SSBP3: variants seen among roughly 807,000 people sequenced by gnomAD.
SSBP3 encodes the protein single-stranded DNA-binding protein 3.
In SSBP3, 5 loss-of-function variants were observed where a neutral mutation model predicts 69.6. The ratio of observed to expected loss-of-function variants is 0.07; its 90% CI spans 0.04 to 0.15. The LOEUF is 0.15. SSBP3 is among the 10% of genes least tolerant of loss of function. SSBP3 has a pLI of 1.00. For synonymous variants in SSBP3, 196 were observed against 193.4 expected, an observed-to-expected ratio of 1.01 and a Z score of -0.11; for missense variants, 312 against 534.0, an observed-to-expected ratio of 0.58 and a Z score of 4.10.
chr1:54,367,269 CCTT>C (rs965284468), intron 4 of SSBP3, among the ~76,000 whole-genome samples: 15 of 152,180 alleles, frequency 9.9e-5, no homozygotes, highest in African/African-American at 3.6e-4. Flanking sequence ...CTGATACTCA[CCTT>C]CTGAGAATAC....
At chr1:54,400,638 G>A (rs552164762) in intron 4 of SSBP3, among the ~76,000 whole-genome samples, 1 of 152,254 alleles carries the variant, frequency 6.6e-6, no homozygotes, top group African/African-American at 2.4e-5. Flanking sequence ...TTTCCTCAGC[G>A]TTACATTCCA....
chr1:54,251,976 C>A, intron 7 of SSBP3, 116 bp from the exon 8 acceptor site: 1 of 830,402 alleles, frequency 1.2e-6, no homozygotes, highest in South Asian at 1.5e-5. Context: ...CACTCATGGC[C>A]TCCCTGAGAC....
At chr1:54,310,335 TA>T (rs1645978265) in intron 4 of SSBP3, among the ~76,000 whole-genome samples, 1 of 152,036 alleles carries the variant, frequency 6.6e-6, no homozygotes, top group African/African-American at 2.4e-5. Context: ...AGAGCTCTTT[TA>T]AAAAACACCT....
intron 4 of SSBP3, among the ~76,000 whole-genome samples, chr1:54,374,208 G>A (rs975058053): frequency 5.9e-5 from 9 of 152,194 alleles, no homozygotes; most frequent in African/African-American, 1.4e-4. Flanking sequence ...GCAGGTGCGC[G>A]GGAATGTGTG....
At chr1:54,398,395 C>T (rs1649049694) in intron 4 of SSBP3, among the ~76,000 whole-genome samples, 1 of 152,196 alleles carries the variant, frequency 6.6e-6, no homozygotes, top group South Asian at 2.1e-4. Context: ...TTCTTGACAT[C>T]AAAAGGAAAA....
chr1:54,260,369 G>A (rs1386760151), intron 5 of SSBP3, among the ~76,000 whole-genome samples: 1 of 152,222 alleles, frequency 6.6e-6, no homozygotes, highest in Admixed American at 6.5e-5. Context: ...GTGGGGCTCT[G>A]GGCAAGCCCC....
rs144586266 is a variant in SSBP3, at chr1:54,265,525, G to C, written c.367-7376C>G. Among the ~76,000 whole-genome samples the C allele has an allele frequency of 1.1e-3, 170 of 152,336 alleles. 2 individuals carry two copies. The East Asian group carries it at 0.019, about 17-fold the overall frequency. ...CCGGGCTTCTGCGTGGTCCCCGAGAGCTCACAGTCAGGTGGGGCTCCTGGC... is the reference window on the plus strand; with the variant it reads ...CCGGGCTTCTGCGTGGTCCCCGAGACCTCACAGTCAGGTGGGGCTCCTGGC... On this transcript the variant is annotated intron_variant, in intron 5 of 17. Transcript: ENST00000610401.
Position 54,374,776 on chromosome 1 carries a change from T to A in SSBP3, c.276+27085A>T, listed in dbSNP as rs370160694. Among the ~76,000 whole-genome samples the A allele has an allele frequency of 8.5e-5, 13 of 152,252 alleles. No individual in the cohort carries two copies. The East Asian group carries it at 2.3e-3, about 27-fold the overall frequency. On this transcript the variant is annotated intron_variant, in intron 4 of 17. Coordinates refer to ENST00000610401, the Ensembl canonical transcript of SSBP3. ...CAGAGTGTAAAATGCAGACCCCACC[T>A]AATCCAACGTGAGATATCAGGGCTA...
chr1:54,409,414 G>GT (rs1649930790), upstream of SSBP3, among the ~76,000 whole-genome samples: 1 of 152,056 alleles, frequency 6.6e-6, no homozygotes, highest in South Asian at 2.1e-4. Flanking sequence ...TAGGATCTCA[G>GT]TTTGAGTTAT....
At chr1:54,251,794 CTTG>C (rs1166966349) in exon 8 of SSBP3, 1 of 1,611,568 alleles carries the variant, frequency 6.2e-7, no homozygotes. Flanking sequence ...CCCTCTCTAC[CTTG>C]TTGTCGTGTG....
chr1:54,374,912 A>G (rs547985457), intron 4 of SSBP3, among the ~76,000 whole-genome samples: 7 of 152,240 alleles, frequency 4.6e-5, no homozygotes, highest in Admixed American at 2.6e-4. Context: ...TCAGGTGGGC[A>G]GGAGGCCAGG....
At chr1:54,408,652 G>C (rs1270545977), upstream of SSBP3, among the ~76,000 whole-genome samples, 1 of 152,206 alleles carries the variant, frequency 6.6e-6, no homozygotes. Flanking sequence ...TTCTTCACCT[G>C]TCAAATGGCA....
intron 5 of SSBP3, among the ~76,000 whole-genome samples, chr1:54,263,370 G>A (rs1645047975): frequency 6.6e-6 from 1 of 152,182 alleles, no homozygotes; most frequent in Non-Finnish European, 1.5e-5. Context: ...ACATTATGCG[G>A]GCCTGGGATC....
chr1:54,363,602 G>A (rs17110499), intron 4 of SSBP3, among the ~76,000 whole-genome samples: 22,238 of 151,934 alleles, frequency 0.15, 1,824 homozygotes, highest in African/African-American at 0.23. Flanking sequence ...TTATATGGGA[G>A]GGAGAACAAC....
intron 4 of SSBP3, among the ~76,000 whole-genome samples, chr1:54,321,974 T>C (rs1557529921): frequency 1.3e-5 from 2 of 152,082 alleles, no homozygotes; most frequent in East Asian, 1.9e-4. Flanking sequence ...GGCTGGAAAA[T>C]AGGATGCACT....
intron 4 of SSBP3, among the ~76,000 whole-genome samples, chr1:54,339,786 G>A (rs1233224316): frequency 6.6e-5 from 10 of 152,072 alleles, no homozygotes; most frequent in African/African-American, 1.9e-4. Flanking sequence ...GTTGGCGGGC[G>A]CCTGTAATTC....
At chr1:54,245,797 G>A (rs989295375) in intron 9 of SSBP3, among the ~76,000 whole-genome samples, 1 of 152,246 alleles carries the variant, frequency 6.6e-6, no homozygotes, top group African/African-American at 2.4e-5. Context: ...CCTGAGGTCA[G>A]AACACAGGAA....
intron 6 of SSBP3, 102 bp from the exon 7 acceptor site, chr1:54,257,288 G>A (rs948916265): frequency 8.8e-6 from 9 of 1,028,182 alleles, no homozygotes; most frequent in Non-Finnish European, 1.2e-5. Context: ...TATAACTAGT[G>A]ATCTTTTAAG....
intron 4 of SSBP3, among the ~76,000 whole-genome samples, chr1:54,379,998 GA>G (rs954931654): frequency 1.4e-4 from 21 of 152,196 alleles, no homozygotes; most frequent in African/African-American, 5.1e-4. Context: ...AATGGGGCTG[GA>G]GGAGGGCCTC....
Sources: gnomAD v4.1 joint callset for allele counts (sites outside exome capture counted in the v4.1 genomes callset) on GRCh38, gnomAD v4.1.1 for gene constraint, MANE v1.5 for transcripts, NCBI Gene and HGNC (gene_info 2026-07-23, HGNC 2026-07-21) for gene names.